The following DOCK3 variants were observed in gnomAD, a reference collection of about 807,000 sequenced individuals.
DOCK3 encodes dedicator of cytokinesis 3.
In DOCK3, 60 loss-of-function variants were observed where a neutral mutation model predicts 265.6. The ratio of observed to expected loss-of-function variants is 0.23; its 90% CI spans 0.18 to 0.28. DOCK3 has a LOEUF of 0.28. Ranked by LOEUF, DOCK3 falls within the 10% of genes least tolerant of loss-of-function variation. The probability of loss-of-function intolerance (pLI) is 1.00; values close to 1 mark genes in which losing one functional copy is unlikely to be tolerated. For synonymous variants in DOCK3, 881 were observed against 938.0 expected (o/e 0.94, Z 1.11); for missense variants, 1,981 against 2,594.3 (o/e 0.76, Z 5.14).
At chr3:51,223,877 C>T (rs1190926114) in intron 14 of DOCK3, among the ~76,000 whole-genome samples, 1 of 152,164 alleles carries the variant, frequency 6.6e-6, no homozygotes, top group African/African-American at 2.4e-5. Flanking sequence ...CTTCCTTTCT[C>T]ATTCTACCTG....
chr3:50,891,648 T>C (rs1364693422), intron 4 of DOCK3, among the ~76,000 whole-genome samples: 1 of 139,000 alleles, frequency 7.2e-6, no homozygotes, highest in African/African-American at 2.9e-5. Flanking sequence ...AATGGCTTAT[T>C]ATAAATTCAG....
At chr3:51,266,396 G>A (rs576232595) in intron 23 of DOCK3, among the ~76,000 whole-genome samples, 5 of 152,180 alleles carry the variant, frequency 3.3e-5, no homozygotes, top group Non-Finnish European at 7.3e-5. Context: ...AAGGAACAAA[G>A]CTGGAGGCAT....
chr3:51,189,777 A>G (rs1018309328), intron 12 of DOCK3, among the ~76,000 whole-genome samples: 1 of 152,198 alleles, frequency 6.6e-6, no homozygotes, highest in African/African-American at 2.4e-5. Flanking sequence ...GTAAATACCC[A>G]GTTGTGGAAT....
At chr3:51,302,036 G>C (rs1396965317) in intron 27 of DOCK3, among the ~76,000 whole-genome samples, 1 of 152,116 alleles carries the variant, frequency 6.6e-6, no homozygotes, top group Non-Finnish European at 1.5e-5. Context: ...GAGTGTTAAA[G>C]TCTCCCACTA....
At chr3:50,789,785 G>A (rs1345452866) in intron 2 of DOCK3, among the ~76,000 whole-genome samples, 1 of 152,186 alleles carries the variant, frequency 6.6e-6, no homozygotes, top group Non-Finnish European at 1.5e-5. Flanking sequence ...GAATGCAGTG[G>A]TGTGATCTTG....
chr3:50,767,155 G>A (rs2108441074), intron 1 of DOCK3, among the ~76,000 whole-genome samples: 2 of 152,248 alleles, frequency 1.3e-5, no homozygotes, highest in African/African-American at 4.8e-5. Flanking sequence ...GGCTTTTGTG[G>A]CCATTGCTTT....
At chr3:51,133,143 A>C (rs1199865012) in intron 9 of DOCK3, among the ~76,000 whole-genome samples, 1 of 152,050 alleles carries the variant, frequency 6.6e-6, no homozygotes, top group Non-Finnish European at 1.5e-5. Context: ...GGTGCACTAC[A>C]CTCGAAAAGA....
chr3:51,211,470 A>G (rs978832198), intron 13 of DOCK3, among the ~76,000 whole-genome samples: 9 of 151,902 alleles, frequency 5.9e-5, no homozygotes, highest in Non-Finnish European at 8.8e-5. Flanking sequence ...TGCACCCATT[A>G]ACTCATCATT....
At chr3:50,754,042 G>C (rs1355166588) in intron 1 of DOCK3, among the ~76,000 whole-genome samples, 1 of 151,028 alleles carries the variant, frequency 6.6e-6, no homozygotes, top group Non-Finnish European at 1.5e-5. Flanking sequence ...TGTAGTCCCA[G>C]CTACTTGGGA....
chr3:51,373,286 T>C (rs1223756830), intron 49 of DOCK3, among the ~76,000 whole-genome samples: 1 of 152,140 alleles, frequency 6.6e-6, no homozygotes, highest in Admixed American at 6.5e-5. Flanking sequence ...GAGCTGCAGA[T>C]TGACCCCAGC....
At chr3:51,102,249 C>T (rs2109740435) in intron 9 of DOCK3, among the ~76,000 whole-genome samples, 1 of 152,240 alleles carries the variant, frequency 6.6e-6, no homozygotes, top group Non-Finnish European at 1.5e-5. Context: ...TTTACATTTA[C>T]AAAGCAATGT....
At chr3:50,699,736 G>C (rs1025372376) in intron 1 of DOCK3, among the ~76,000 whole-genome samples, 1 of 152,166 alleles carries the variant, frequency 6.6e-6, no homozygotes, top group Non-Finnish European at 1.5e-5. Context: ...CAAGAGGCTT[G>C]CAGTCAAGCC....
chr3:50,938,077 T>A (rs1307418218), intron 5 of DOCK3, among the ~76,000 whole-genome samples: 1 of 152,008 alleles, frequency 6.6e-6, no homozygotes. Context: ...AAAAACAGGG[T>A]AATTATGTTA....
rs1464911574 is a variant in DOCK3 at position 51,041,193 on chromosome 3, TATATATA to T, written c.316-23254_316-23248del. Among the ~76,000 whole-genome samples the T allele has an allele frequency of 6.0e-3, 108 of 18,056 alleles. 1 individual carries two copies. Among genetic ancestry groups the T allele is most frequent in the Non-Finnish European group, 7.1e-3 (76 of 10,744 alleles). 11.8% of individuals were successfully genotyped at this position (18,056 alleles called of 152,430 possible). ...ATATATATATATATATATATATATA[TATATATA>T]TATATTTTTTTTTTTTTTTTTTTTT... On this transcript the variant is annotated intron_variant, in intron 5 of 52. Coordinates refer to ENST00000266037, the MANE Select transcript of DOCK3 (RefSeq NM_004947.5).
At chr3:51,325,577 A>G (rs576174976) in intron 32 of DOCK3, among the ~76,000 whole-genome samples, 426 of 152,342 alleles carry the variant, frequency 2.8e-3, no homozygotes, top group Middle Eastern at 6.8e-3. Context: ...TACCCAAAGG[A>G]TTATAAATCA....
chr3:51,361,979 C>A lies in DOCK3; in HGVS notation c.5127C>A (p.Asp1709Glu). 6.2e-7 allele frequency: 1 copy of A among 1,609,040 alleles called. No individual in the cohort carries two copies. The highest frequency in any genetic ancestry group is 8.5e-7 in the Non-Finnish European group (1 of 1,177,740). The change falls in exon 48 of 53, where the codon GAC becomes GAA. Residue 1709 changes from aspartate (D) to glutamate (E), a missense_variant. Physicochemically the swap from Asp to Glu is conservative, Grantham distance 45. Around this residue, in one of 4 missense-constraint regions of DOCK3, gnomAD observed 1,357 missense variants for 1,866.8 expected, o/e 0.73. Coordinates refer to ENST00000266037, the MANE Select transcript of DOCK3 (RefSeq NM_004947.5). This position sits in a 1 kb window ranked among gnomAD's most constrained non-coding sequence, Gnocchi z 4.2. ...GCTCCATGGGTGATGCTCCTGAGGA[C>A]CTGTACCACCACATGCAGGTACAGA... The part of the protein sequence containing the change: ...GDGSMGDAPE[D>E]LYHHMQLAYP...
chr3:50,677,382 C>T (rs775518619), intron 1 of DOCK3, among the ~76,000 whole-genome samples: 1 of 152,158 alleles, frequency 6.6e-6, no homozygotes, highest in Non-Finnish European at 1.5e-5. Flanking sequence ...ATAAAATCCA[C>T]TTTATAAAGT....
chr3:51,206,729 G>A (rs1560209940), intron 12 of DOCK3, among the ~76,000 whole-genome samples: 1 of 152,162 alleles, frequency 6.6e-6, no homozygotes. Context: ...CCTGTGATGG[G>A]CATTAAGAAG....
intron 20 of DOCK3, 138 bp from the exon 21 acceptor site, chr3:51,237,352 C>G: frequency 1.4e-6 from 1 of 705,400 alleles, no homozygotes; most frequent in Non-Finnish European, 2.4e-6. Flanking sequence ...GGAAATCTTA[C>G]ATTCACTACC....
Sources: allele counts gnomAD v4.1 joint callset (sites outside exome capture counted in the v4.1 genomes callset), GRCh38; gene constraint gnomAD v4.1.1; regional missense constraint gnomAD v4.1.1; non-coding constraint Gnocchi (gnomAD v3.1); transcripts MANE v1.5; gene names NCBI Gene and HGNC (gene_info 2026-07-23, HGNC 2026-07-21).